Variants in AUTS2 observed in about 807,000 individuals in gnomAD.
The protein encoded by AUTS2 is autism susceptibility gene 2 protein.
AUTS2 carries 17 observed loss-of-function variants against 112.4 expected under a neutral mutation model. The ratio of observed to expected loss-of-function variants is 0.15; its 90% CI spans 0.10 to 0.23. The LOEUF (loss-of-function observed/expected upper bound fraction) is 0.23, where lower values mean the gene tolerates loss of function less well. Ranked by LOEUF, AUTS2 falls within the 10% of genes least tolerant of loss-of-function variation. The probability of loss-of-function intolerance (pLI) is 1.00; values close to 1 mark genes in which losing one functional copy is unlikely to be tolerated. For missense variants in AUTS2, 1,510 were observed against 1,701.6 expected (o/e 0.89, Z 1.98); for synonymous variants, 751 against 702.7 (o/e 1.07, Z -1.09).
intron 5 of AUTS2, among the ~76,000 whole-genome samples, chr7:70,597,983 A>G (rs2129529447): frequency 6.6e-6 from 1 of 152,346 alleles, no homozygotes; most frequent in Admixed American, 6.5e-5. Context: ...TCACTCCAGA[A>G]GAGACAGTGA....
At chr7:70,060,773 T>C (rs1802209358) in intron 2 of AUTS2, among the ~76,000 whole-genome samples, 1 of 152,182 alleles carries the variant, frequency 6.6e-6, no homozygotes, top group South Asian at 2.1e-4. Context: ...GCCATGCAGG[T>C]ATGTTGTTTG....
At chr7:70,661,605 A>G (rs1807075493) in intron 5 of AUTS2, among the ~76,000 whole-genome samples, 1 of 152,242 alleles carries the variant, frequency 6.6e-6, no homozygotes. Context: ...AGTGAGAACC[A>G]AATGAGACAG....
intron 6 of AUTS2, among the ~76,000 whole-genome samples, chr7:70,752,477 C>T (rs1004944450): frequency 1.3e-5 from 2 of 152,124 alleles, no homozygotes; most frequent in South Asian, 2.1e-4. Context: ...AATGCCTTAC[C>T]GTTGATAACT....
chr7:69,755,571 C>T (rs1220177490), intron 1 of AUTS2, among the ~76,000 whole-genome samples: 4 of 151,980 alleles, frequency 2.6e-5, no homozygotes, highest in Non-Finnish European at 5.9e-5. Context: ...GTTGTTTTTC[C>T]TGGGAATACT....
chr7:69,938,272 CTT>C (rs1200130751), intron 2 of AUTS2, among the ~76,000 whole-genome samples: 11 of 152,184 alleles, frequency 7.2e-5, no homozygotes, highest in Non-Finnish European at 1.3e-4. Context: ...CCTTCTGCAG[CTT>C]CCCGTAGGCC....
intron 1 of AUTS2, among the ~76,000 whole-genome samples, chr7:69,642,278 T>C (rs1375336572): frequency 6.6e-6 from 1 of 152,214 alleles, no homozygotes; most frequent in East Asian, 1.9e-4. Flanking sequence ...TTATCCTATT[T>C]TTTTTATTTT....
chr7:70,761,871 A>C (rs78884453), intron 6 of AUTS2, among the ~76,000 whole-genome samples: 2,799 of 152,312 alleles, frequency 0.018, 100 homozygotes, highest in African/African-American at 0.062. Flanking sequence ...TGAGTGGGGA[A>C]CCCCATGTGG....
intron 1 of AUTS2, among the ~76,000 whole-genome samples, chr7:69,733,628 T>G (rs923094927): frequency 6.6e-6 from 1 of 152,128 alleles, no homozygotes; most frequent in Non-Finnish European, 1.5e-5. Flanking sequence ...AAATTTTATT[T>G]TTTACAATGC....
intron 1 of AUTS2, among the ~76,000 whole-genome samples, chr7:69,650,780 T>C (rs1795252567): frequency 6.6e-6 from 1 of 152,232 alleles, no homozygotes; most frequent in Non-Finnish European, 1.5e-5. Flanking sequence ...AACTGCTTAT[T>C]GCTCCCTGTG....
intron 4 of AUTS2, among the ~76,000 whole-genome samples, chr7:70,323,797 A>T (rs894146405): frequency 6.6e-6 from 1 of 152,244 alleles, no homozygotes; most frequent in Non-Finnish European, 1.5e-5. Flanking sequence ...CTTAGCCCAG[A>T]TGGTAATGCC....
At chr7:69,755,338 C>G (rs1787904351) in intron 1 of AUTS2, among the ~76,000 whole-genome samples, 2 of 152,198 alleles carry the variant, frequency 1.3e-5, no homozygotes, top group African/African-American at 4.8e-5. Context: ...CAAACTCTCT[C>G]TTCTAGCATA....
intron 4 of AUTS2, among the ~76,000 whole-genome samples, chr7:70,245,898 T>A (rs1812896033): frequency 6.6e-6 from 1 of 152,160 alleles, no homozygotes; most frequent in Non-Finnish European, 1.5e-5. Context: ...TCATGAATAC[T>A]CTTATCATAC....
intron 4 of AUTS2, among the ~76,000 whole-genome samples, chr7:70,301,962 G>A (rs1343275721): frequency 6.6e-6 from 1 of 151,454 alleles, no homozygotes; most frequent in Non-Finnish European, 1.5e-5. Context: ...ATTTTTTGTA[G>A]AGGCGCATTC....
At chr7:69,691,397 C>T (rs1797335776) in intron 1 of AUTS2, among the ~76,000 whole-genome samples, 1 of 152,116 alleles carries the variant, frequency 6.6e-6, no homozygotes, top group African/African-American at 2.4e-5. Flanking sequence ...TCTGCAGACC[C>T]ATGCCAAGCT....
At chr7:70,457,734 G>A (rs180697844) in intron 5 of AUTS2, among the ~76,000 whole-genome samples, 35 of 152,264 alleles carry the variant, frequency 2.3e-4, no homozygotes, top group Admixed American at 2.0e-3. Flanking sequence ...ATACAGAGCC[G>A]CAGATGCCTG....
chr7:70,089,228 G>C (rs578204835), intron 2 of AUTS2, among the ~76,000 whole-genome samples: 166 of 152,142 alleles, frequency 1.1e-3, no homozygotes, highest in African/African-American at 3.1e-3. Context: ...TATTAACAAT[G>C]GAGCATTGAA....
At chr7:70,387,007 C>T (rs987685054) in intron 4 of AUTS2, among the ~76,000 whole-genome samples, 19 of 152,120 alleles carry the variant, frequency 1.2e-4, no homozygotes, top group African/African-American at 4.6e-4. Context: ...TATTCTCTTT[C>T]TCCTGTTCTA....
chr7:70,733,896 G>A (rs1787612811), intron 6 of AUTS2, among the ~76,000 whole-genome samples: 1 of 151,946 alleles, frequency 6.6e-6, no homozygotes, highest in Non-Finnish European at 1.5e-5. Flanking sequence ...CTCTACATTA[G>A]TTTTATCACA....
chr7:70,071,654 C>T (rs1802772676), intron 2 of AUTS2, among the ~76,000 whole-genome samples: 1 of 152,114 alleles, frequency 6.6e-6, no homozygotes, highest in South Asian at 2.1e-4. Context: ...AACTTTGTAG[C>T]TAGTCATTTT....
Sources: allele counts gnomAD v4.1 joint callset (sites outside exome capture counted in the v4.1 genomes callset), GRCh38; gene constraint gnomAD v4.1.1; transcripts MANE v1.5; gene names NCBI Gene and HGNC (gene_info 2026-07-23, HGNC 2026-07-21).